Variants in PHKG2 observed in about 807,000 individuals in gnomAD.
PHKG2 encodes phosphorylase b kinase gamma catalytic chain, liver/testis isoform.
Under a neutral mutation model 44.5 loss-of-function variants are expected in PHKG2, and 28 were observed. That is an observed-to-expected ratio of 0.63 (90% CI 0.47 to 0.86). PHKG2 has a LOEUF of 0.86. PHKG2 is among the 40% of genes least tolerant of loss of function. The probability of loss-of-function intolerance (pLI) is 0.00; values close to 1 mark genes in which losing one functional copy is unlikely to be tolerated. For synonymous variants in PHKG2, 220 were observed against 211.2 expected (o/e 1.04, Z -0.36); for missense variants, 498 against 547.5 (o/e 0.91, Z 0.90).
chr16:30,758,532 G>A lies in PHKG2; in HGVS notation c.*1435G>A, dbSNP rs1241453708. 2 of 200,056 alleles carry A rather than the reference G, an allele frequency of 1.0e-5. No homozygotes were observed. The highest frequency in any genetic ancestry group is 2.4e-5 in the African/African-American group (1 of 42,200). 12.4% of individuals were successfully genotyped at this position (200,056 alleles called of 1,614,324 possible). ...GCTTTCTAATGATCATTTCTCTGGA[G>A]CCACTTCAGCTGTGCTTTTTGTTTG... On this transcript the variant is annotated 3_prime_UTR_variant, in exon 10 of 10. Coordinates refer to ENST00000563588, the MANE Select transcript of PHKG2 (RefSeq NM_000294.3).
Position 30,760,786 on chromosome 16 carries a change from C to G in PHKG2, c.*3689C>G. On this transcript the variant is annotated 3_prime_UTR_variant, in exon 10 of 10. Coordinates refer to ENST00000563588, the MANE Select transcript of PHKG2 (RefSeq NM_000294.3). ...GCGTGAAGCTGGGCTCTTTTGCCAGCTTGCTGTGTGACTATGCAAATCGTT... is the reference window on the plus strand; with the variant it reads ...GCGTGAAGCTGGGCTCTTTTGCCAGGTTGCTGTGTGACTATGCAAATCGTT... 1.1e-6 allele frequency: 1 copy of G among 883,708 alleles called. No individual in the cohort carries two copies. The highest frequency in any genetic ancestry group is 1.8e-6 in the Non-Finnish European group (1 of 548,260). The allele number at this position is 883,708 out of a possible 1,614,324, so 54.7% of individuals were successfully genotyped here. A position where few individuals can be genotyped will look rare whatever the true frequency, so the allele number is the denominator to read the frequency against.
At position 30,760,914 on chromosome 16, in the gene PHKG2, C is replaced by G; in HGVS notation, c.*3817C>G. ...TCTGCTCTGCCACTACCTTGTATGA[C>G]CTTGGTCAAGTACTCCCTGTGGCCC... On this transcript the variant is annotated 3_prime_UTR_variant, in exon 10 of 10. Transcript: ENST00000563588. 1 of 614,576 alleles carries G rather than the reference C, an allele frequency of 1.6e-6. No individual in the cohort carries two copies. The highest frequency in any genetic ancestry group is 2.7e-5 in the East Asian group (1 of 36,480). 38.1% of individuals were successfully genotyped at this position (614,576 alleles called of 1,614,324 possible). A position where few individuals can be genotyped will look rare whatever the true frequency, so the allele number is the denominator to read the frequency against.
rs754717485 is a variant in PHKG2 at position 30,759,468 on chromosome 16, TGACTCG to T, written c.*2374_*2379del. 25 of 1,614,058 alleles carry T rather than the reference TGACTCG, an allele frequency of 1.5e-5. No individual in the cohort carries two copies. In the East Asian group the frequency reaches 5.3e-4, roughly 35 times the overall value. ...TGCTGAAAGGAGGCCGCTGTGGTGG[TGACTCG>T]GAATTAGAACCCTGACTACCTTCCG... On this transcript the variant is annotated 3_prime_UTR_variant, in exon 10 of 10. Transcript: ENST00000563588.
intron 6 of PHKG2, among the ~76,000 whole-genome samples, chr16:30,754,591 G>T: frequency 6.6e-6 from 1 of 152,152 alleles, no homozygotes; most frequent in Non-Finnish European, 1.5e-5. Context: ...GGGTCCTAAT[G>T]CTAGGATTTG....
chr16:30,752,577 T>C (rs1567261531), intron 4 of PHKG2: 1 of 154,394 alleles, frequency 6.5e-6, no homozygotes. Context: ...CAAAGGTATT[T>C]TGAAAGAGAA....
chr16:30,754,708 T>C (rs539762291), intron 6 of PHKG2, among the ~76,000 whole-genome samples: 1 of 152,170 alleles, frequency 6.6e-6, no homozygotes, highest in Non-Finnish European at 1.5e-5. Context: ...ACTTTTCCCG[T>C]TTGTGGAATC....
rs1427310476 is a variant in PHKG2, at chr16:30,759,328, C to A, written c.*2231C>A. On this transcript the variant is annotated 3_prime_UTR_variant, in exon 10 of 10. Coordinates refer to ENST00000563588, the MANE Select transcript of PHKG2 (RefSeq NM_000294.3). ...GCGGTTGAGGGTGGCTCCTCATGGT[C>A]CACCACCCCCTACCTGGGGTGTGAA... is the stretch of plus-strand genomic sequence containing the variant. 1 of 1,612,824 alleles carries A rather than the reference C, an allele frequency of 6.2e-7. No individual in the cohort carries two copies. The highest frequency in any genetic ancestry group is 1.1e-5 in the South Asian group (1 of 91,012).
In PHKG2 at chr16:30,760,462, GGAGA is replaced by G; in HGVS notation, c.*3369_*3372del. ...GCAGCTCAGCCAGCACCCTTGGGAG[GGAGA>G]GAGGAGTGAGTGACAACTGGGCCTC... On this transcript the variant is annotated 3_prime_UTR_variant, in exon 10 of 10. Transcript: ENST00000563588. 1 of 1,613,624 alleles carries G rather than the reference GGAGA, an allele frequency of 6.2e-7. No homozygotes were observed. The highest frequency in any genetic ancestry group is 8.5e-7 in the Non-Finnish European group (1 of 1,179,686).
chr16:30,760,150 C>CT lies in PHKG2; in HGVS notation c.*3055dup. The CT allele has an allele frequency of 6.3e-7, 1 of 1,577,130 alleles. No homozygotes were observed. The highest frequency in any genetic ancestry group is 1.1e-5 in the South Asian group (1 of 88,346). On this transcript the variant is annotated 3_prime_UTR_variant, in exon 10 of 10. Transcript: ENST00000563588. ...AAGCAGTGGATTGGAAAGCTGATGG[C>CT]TTGTGTATGATGATGCTACTAATAA...
chr16:30,757,905 A>G lies in PHKG2; in HGVS notation c.*808A>G. On this transcript the variant is annotated 3_prime_UTR_variant, in exon 10 of 10. Coordinates refer to ENST00000563588, the MANE Select transcript of PHKG2 (RefSeq NM_000294.3). ...CTGTGTGACCTTAGGCAGGTTATTT[A>G]ACCTATCTGTGCCTCAGTTTCCTTG... 9.8e-7 allele frequency: 1 copy of G among 1,020,460 alleles called. No homozygotes were observed. Among genetic ancestry groups the G allele is most frequent in the Non-Finnish European group, 1.3e-6 (1 of 765,348 alleles). The allele number at this position is 1,020,460 out of a possible 1,614,324, so 63.2% of individuals were successfully genotyped here.
chr16:30,753,593 G>A, intron 6 of PHKG2, 36 bp downstream of exon 6: 1 of 1,604,258 alleles, frequency 6.2e-7, no homozygotes, highest in East Asian at 2.2e-5. Context: ...GCTTGGGAGG[G>A]GAGACCCAGG....
At position 30,757,205 on chromosome 16, in the gene PHKG2, C is replaced by T; in HGVS notation, c.*108C>T. 6.3e-7 allele frequency: 1 copy of T among 1,594,486 alleles called. No individual in the cohort carries two copies. The highest frequency in any genetic ancestry group is 1.1e-5 in the South Asian group (1 of 89,920). On this transcript the variant is annotated 3_prime_UTR_variant, in exon 10 of 10. Transcript: ENST00000563588. ...TCTGGCCTCAGGCCCACTAATGATC[C>T]TGCTACCCTCTTGAAGACCAGCCCG... is the stretch of plus-strand genomic sequence containing the variant.
In PHKG2 at chr16:30,760,293, C is replaced by A; in HGVS notation, c.*3196C>A. 3 of 1,614,210 alleles carry A rather than the reference C, an allele frequency of 1.9e-6. No homozygotes were observed. Among genetic ancestry groups the A allele is most frequent in the Non-Finnish European group, 2.5e-6 (3 of 1,180,044 alleles). ...AGCTGCCCCCTCTCACCAATACAAG[C>A]CTTGTGAAGATCCTGGAGCAGGGCA... On this transcript the variant is annotated 3_prime_UTR_variant, in exon 10 of 10. Transcript: ENST00000563588.
At position 30,748,743 on chromosome 16, in the gene PHKG2, T is replaced by G; in HGVS notation, c.-18-60T>G. On this transcript the variant is annotated intron_variant, in intron 1 of 9. Coordinates refer to ENST00000563588, the MANE Select transcript of PHKG2 (RefSeq NM_000294.3). ...AGGGCTGCGCCCCCGGGAGCCGCCA[T>G]GCGGGTCGTCTCAGAGCCTGTGGGC... is the stretch of plus-strand genomic sequence containing the variant. 1.4e-5 allele frequency: 11 copies of G among 769,868 alleles called. No homozygotes were observed. The South Asian group carries it at 1.6e-4, about 11-fold the overall frequency. 47.7% of individuals were successfully genotyped at this position (769,868 alleles called of 1,614,324 possible). A position where few individuals can be genotyped will look rare whatever the true frequency, so the allele number is the denominator to read the frequency against.
At position 30,757,848 on chromosome 16, in the gene PHKG2, T is replaced by C. The variant is rs1175922648; in HGVS notation, c.*751T>C. 8 of 1,393,714 alleles carry C rather than the reference T, an allele frequency of 5.7e-6. No homozygotes were observed. The highest frequency in any genetic ancestry group is 6.5e-6 in the Non-Finnish European group (7 of 1,076,670). 86.3% of individuals were successfully genotyped at this position (1,393,714 alleles called of 1,614,324 possible). A position where few individuals can be genotyped will look rare whatever the true frequency, so the allele number is the denominator to read the frequency against. On this transcript the variant is annotated 3_prime_UTR_variant, in exon 10 of 10. Transcript: ENST00000563588. ...TGGGTAGGGTGGCTATGCTGGACTT[T>C]GCAGCTTCAAATTCTGATCCCTACT...
intron 3 of PHKG2, 123 bp downstream of exon 3, chr16:30,751,404 GC>G: frequency 7.6e-7 from 1 of 1,314,746 alleles, no homozygotes; most frequent in Non-Finnish European, 1.1e-6. Flanking sequence ...CTAAAGAGTG[GC>G]CATCCGTTGG....
rs1392223539 is a variant in PHKG2 at position 30,759,219 on chromosome 16, A to G, written c.*2122A>G. ...CCACAGTTTGGGTGGCTGTAGCCCC[A>G]TGTAAGTCAAAGACAGATCCAGCCG... On this transcript the variant is annotated 3_prime_UTR_variant, in exon 10 of 10. Transcript: ENST00000563588. 1.9e-6 allele frequency: 3 copies of G among 1,614,148 alleles called. No homozygotes were observed. Among genetic ancestry groups the G allele is most frequent in the Non-Finnish European group, 2.5e-6 (3 of 1,180,022 alleles).
At position 30,759,745 on chromosome 16, in the gene PHKG2, C is replaced by G; in HGVS notation, c.*2648C>G. 6.3e-7 allele frequency: 1 copy of G among 1,594,508 alleles called. No individual in the cohort carries two copies. Among genetic ancestry groups the G allele is most frequent in the Non-Finnish European group, 8.5e-7 (1 of 1,169,924 alleles). Reference sequence around the variant, plus strand: ...GGTTGCTGGTAGGGAAAGCAAGATGCAGCAGTGAGGCCCTCTCTGGTATCC... The same window carrying G: ...GGTTGCTGGTAGGGAAAGCAAGATGGAGCAGTGAGGCCCTCTCTGGTATCC... On this transcript the variant is annotated 3_prime_UTR_variant, in exon 10 of 10. Transcript: ENST00000563588.
chr16:30,753,247 G>A lies in PHKG2; in HGVS notation c.342G>A (p.Glu114=). The A allele has an allele frequency of 6.2e-7, 1 of 1,614,042 alleles. No individual in the cohort carries two copies. Among genetic ancestry groups the A allele is most frequent in the Non-Finnish European group, 8.5e-7 (1 of 1,179,912 alleles). The change falls in exon 5 of 10, where the codon GAG becomes GAA. Residue 114 remains glutamate (E), a synonymous_variant. Transcript: ENST00000563588. The part of the protein sequence containing the change: ...FLVFDLMRKG[E]LFDYLTEKVA... ...CTTCCCTTAGGATGCGGAAGGGAGA[G>A]CTGTTTGACTATCTCACAGAGAAGG...
Sources: allele counts gnomAD v4.1 joint callset (sites outside exome capture counted in the v4.1 genomes callset), GRCh38; gene constraint gnomAD v4.1.1; transcripts MANE v1.5; gene names NCBI Gene and HGNC (gene_info 2026-07-23, HGNC 2026-07-21).